Variants in RNF144B observed in about 807,000 individuals in gnomAD.
RNF144B encodes the protein E3 ubiquitin-protein ligase RNF144B.
In RNF144B, 25 loss-of-function variants were observed where a neutral mutation model predicts 40.2. The observed-to-expected ratio is 0.62, with a 90% CI of 0.45 to 0.87. RNF144B has a LOEUF of 0.87. Ranked by LOEUF, RNF144B falls within the 40% of genes least tolerant of loss-of-function variation. The pLI is 0.00. For synonymous variants in RNF144B, 145 were observed against 136.3 expected (o/e 1.06, Z -0.44); for missense variants, 365 against 373.7 (o/e 0.98, Z 0.19).
At chr6:18,396,254 A>G (rs1794692276) in intron 1 of RNF144B, 1 of 444,182 alleles carries the variant, frequency 2.3e-6, no homozygotes, top group African/African-American at 2.1e-5. Context: ...TCTAAGAAAT[A>G]TCTAATTATA....
Position 18,457,119 on chromosome 6 carries a change from G to T in RNF144B, c.332-36G>T. Reference sequence around the variant, plus strand: ...GGTGAGAAAGACTCAAACATGAATCGGGCAGACCATCACATTTTCTTTCTT... The same window carrying T: ...GGTGAGAAAGACTCAAACATGAATCTGGCAGACCATCACATTTTCTTTCTT... On this transcript the variant is annotated intron_variant, in intron 4 of 7. Transcript: ENST00000259939. The surrounding 1 kb of genome is among the most constrained non-coding windows in gnomAD (Gnocchi z 5.1). 1 of 1,457,920 alleles carries T rather than the reference G, an allele frequency of 6.9e-7. No individual in the cohort carries two copies. Among genetic ancestry groups the T allele is most frequent in the South Asian group, 1.1e-5 (1 of 87,952 alleles). The allele number at this position is 1,457,920 out of a possible 1,614,324, so 90.3% of individuals were successfully genotyped here.
intron 6 of RNF144B, 110 bp from the exon 7 acceptor site, chr6:18,463,181 G>A: frequency 1.5e-6 from 1 of 686,304 alleles, no homozygotes; most frequent in South Asian, 1.7e-5. Flanking sequence ...GGGGGTCACT[G>A]ATATCACCAG....
At chr6:18,409,560 C>A (rs79243008) in intron 2 of RNF144B, among the ~76,000 whole-genome samples, 5 of 61,206 alleles carry the variant, frequency 8.2e-5, no homozygotes, top group African/African-American at 2.6e-4. Flanking sequence ...ACTTGCATAA[C>A]CTTTTTTTTT....
chr6:18,399,923 G>C (rs549640102), intron 2 of RNF144B, among the ~76,000 whole-genome samples: 69 of 152,134 alleles, frequency 4.5e-4, no homozygotes, highest in Non-Finnish European at 9.1e-4. Flanking sequence ...TTTAATTATT[G>C]GTTGAATAAA....
In RNF144B at chr6:18,468,694, A is replaced by G. The variant is rs1759623565; in HGVS notation, c.*3627A>G. The G allele has an allele frequency of 6.6e-6, 1 of 152,222 alleles. No homozygotes were observed. The highest frequency in any genetic ancestry group is 2.1e-4 in the South Asian group (1 of 4,836). The allele number at this position is 152,222 out of a possible 1,614,324, so 9.4% of individuals were successfully genotyped here. A position where few individuals can be genotyped will look rare whatever the true frequency, so the allele number is the denominator to read the frequency against. On this transcript the variant is annotated 3_prime_UTR_variant, in exon 8 of 8. Coordinates refer to ENST00000259939, the MANE Select transcript of RNF144B (RefSeq NM_182757.4). ...GGCAATTTCAGAAATGCATTAGATG[A>G]ATGACATTTTATAAAGCGATCACAA...
rs1759543394 is a variant in RNF144B, at chr6:18,464,874, A to G, written c.772-53A>G. The G allele has an allele frequency of 3.8e-6, 6 of 1,565,372 alleles. No individual in the cohort carries two copies. Among genetic ancestry groups the G allele is most frequent in the East Asian group, 2.2e-5 (1 of 44,652 alleles). On this transcript the variant is annotated intron_variant, in intron 7 of 7. Transcript: ENST00000259939. This position sits in a 1 kb window ranked among gnomAD's most constrained non-coding sequence, Gnocchi z 6.1. ...AGATAACAGTATAGTTGGAATAAGT[A>G]TACATATTGAAAGACTTAATTGCTG...
intron 1 of RNF144B, among the ~76,000 whole-genome samples, chr6:18,393,202 T>A (rs1794622452): frequency 6.6e-6 from 1 of 152,230 alleles, no homozygotes; most frequent in Non-Finnish European, 1.5e-5. Flanking sequence ...GGGCAGCCTA[T>A]GTTTCCATTT....
chr6:18,396,900 G>A lies in RNF144B; in HGVS notation c.-36-2599G>A, dbSNP rs12527317. The A allele has an allele frequency of 3.0e-3, 2,249 of 750,776 alleles. 7 individuals carry two copies. The highest frequency in any genetic ancestry group is 3.4e-3 in the Non-Finnish European group (2,116 of 615,592). The allele number at this position is 750,776 out of a possible 1,614,324, so 46.5% of individuals were successfully genotyped here. ...AAAAACTCAAAATCCTGAATTTGAC[G>A]TGCAGGTCTATTTGAATTTAATTTG... is the stretch of plus-strand genomic sequence containing the variant. On this transcript the variant is annotated intron_variant, in intron 1 of 7. Coordinates refer to ENST00000259939, the MANE Select transcript of RNF144B (RefSeq NM_182757.4).
rs1229131141 is a variant in RNF144B, at chr6:18,450,510, G to C, written c.332-6645G>C. On this transcript the variant is annotated intron_variant, in intron 4 of 7. Coordinates refer to ENST00000259939, the MANE Select transcript of RNF144B (RefSeq NM_182757.4). The surrounding 1 kb of genome is among the most constrained non-coding windows in gnomAD (Gnocchi z 4.7). The stretch of plus-strand genomic sequence containing the variant: ...AAGGTGTTTTCACTATGTTGGCCAG[G>C]CTGGTCTCGAACTCCTGACCTCAGG... Among the ~76,000 whole-genome samples the C allele has an allele frequency of 1.3e-5, 2 of 152,098 alleles. No homozygotes were observed. The highest frequency in any genetic ancestry group is 4.8e-5 in the African/African-American group (2 of 41,422).
At chr6:18,435,814 T>C (rs1226479401) in intron 3 of RNF144B, among the ~76,000 whole-genome samples, 1 of 144,256 alleles carries the variant, frequency 6.9e-6, no homozygotes. Flanking sequence ...TAGGTGGGAA[T>C]TGAACAATGA....
chr6:18,448,502 A>C lies in RNF144B; in HGVS notation c.332-8653A>C, dbSNP rs1759135006. Among the ~76,000 whole-genome samples the C allele has an allele frequency of 6.6e-6, 1 of 152,104 alleles. No individual in the cohort carries two copies. Among genetic ancestry groups the C allele is most frequent in the Admixed American group, 6.6e-5 (1 of 15,258 alleles). On this transcript the variant is annotated intron_variant, in intron 4 of 7. Coordinates refer to ENST00000259939, the MANE Select transcript of RNF144B (RefSeq NM_182757.4). This position sits in a 1 kb window ranked among gnomAD's most constrained non-coding sequence, Gnocchi z 4.0. ...TGAAGCAAAAGGAGGAGCTTTATGT[A>C]ATATGAAAGTATAGCGAACCTAGCA...
chr6:18,441,993 C>G lies in RNF144B; in HGVS notation c.331+2249C>G, dbSNP rs184726493. Reference sequence around the variant, plus strand: ...TTCCCAAAGAGGTAATCATACCGTTCTTCAGGAAATATCATCATACTGAAG... The same window carrying G: ...TTCCCAAAGAGGTAATCATACCGTTGTTCAGGAAATATCATCATACTGAAG... On this transcript the variant is annotated intron_variant, in intron 4 of 7. Transcript: ENST00000259939. The surrounding 1 kb of genome is among the most constrained non-coding windows in gnomAD (Gnocchi z 4.9). 6.6e-6 allele frequency among the ~76,000 whole-genome samples: 1 copy of G among 152,132 alleles called. No individual in the cohort carries two copies. The highest frequency in any genetic ancestry group is 1.9e-4 in the East Asian group (1 of 5,192).
chr6:18,399,389 G>A lies in RNF144B; in HGVS notation c.-36-110G>A, dbSNP rs1440788425. On this transcript the variant is annotated intron_variant, in intron 1 of 7. Coordinates refer to ENST00000259939, the MANE Select transcript of RNF144B (RefSeq NM_182757.4). ...GTTCCCAGAAATGCATTAGCTGTAA[G>A]TTTTGGGATAACTGAGGGTGAGAAT... 21 of 761,224 alleles carry A rather than the reference G, an allele frequency of 2.8e-5. No homozygotes were observed. The East Asian group carries it at 5.8e-4, about 21-fold the overall frequency. 47.2% of individuals were successfully genotyped at this position (761,224 alleles called of 1,614,324 possible).
At chr6:18,415,055 C>T (rs982608838) in intron 2 of RNF144B, among the ~76,000 whole-genome samples, 37 of 152,066 alleles carry the variant, frequency 2.4e-4, no homozygotes, top group Non-Finnish European at 7.4e-5. Context: ...TACTTTAAAT[C>T]ATCTTTAGGT....
Position 18,466,499 on chromosome 6 carries a change from C to T in RNF144B, c.*1432C>T, listed in dbSNP as rs1440189930. 1.3e-5 allele frequency: 2 copies of T among 152,472 alleles called. No homozygotes were observed. The highest frequency in any genetic ancestry group is 4.8e-5 in the African/African-American group (2 of 41,398). 9.4% of individuals were successfully genotyped at this position (152,472 alleles called of 1,614,324 possible). A position where few individuals can be genotyped will look rare whatever the true frequency, so the allele number is the denominator to read the frequency against. ...TTGTGACTTATTTTTTCCATTATACCATTAGTCAGATTTGAATAACGAGGT... is the reference window on the plus strand; with the variant it reads ...TTGTGACTTATTTTTTCCATTATACTATTAGTCAGATTTGAATAACGAGGT... On this transcript the variant is annotated 3_prime_UTR_variant, in exon 8 of 8. Transcript: ENST00000259939.
intron 1 of RNF144B, among the ~76,000 whole-genome samples, chr6:18,394,571 G>GT (rs1794654393): frequency 6.6e-6 from 1 of 151,052 alleles, no homozygotes; most frequent in Admixed American, 6.6e-5. Flanking sequence ...GCACTCTAGC[G>GT]TGGATGACAG....
At chr6:18,387,668 C>T (rs186874195) in intron 1 of RNF144B, 38 bp downstream of exon 1, 1 of 1,285,062 alleles carries the variant, frequency 7.8e-7, no homozygotes, top group East Asian at 5.6e-5. Context: ...ACAGGCGTTG[C>T]AAGACCGGAA....
chr6:18,399,366 T>A (rs1794753033), intron 1 of RNF144B, 133 bp from the exon 2 acceptor site: 1 of 643,022 alleles, frequency 1.6e-6, no homozygotes, highest in African/African-American at 1.8e-5. Context: ...AGCCCGTCGT[T>A]CCCAGAAATG....
chr6:18,419,840 T>C lies in RNF144B; in HGVS notation c.166-7741T>C, dbSNP rs528969873. On this transcript the variant is annotated intron_variant, in intron 2 of 7. Coordinates refer to ENST00000259939, the MANE Select transcript of RNF144B (RefSeq NM_182757.4). This position sits in a 1 kb window ranked among gnomAD's most constrained non-coding sequence, Gnocchi z 4.6. ...AGGGCTGTTCTATGCTGTTTTATTA[T>C]GACTTTTCTTTGATTTCTTTGATTA... 2.2e-3 allele frequency among the ~76,000 whole-genome samples: 336 copies of C among 152,346 alleles called. 4 individuals carry two copies. The highest frequency in any genetic ancestry group is 7.5e-3 in the African/African-American group (311 of 41,578).
Sources: allele counts gnomAD v4.1 joint callset (sites outside exome capture counted in the v4.1 genomes callset), GRCh38; gene constraint gnomAD v4.1.1; non-coding constraint Gnocchi (gnomAD v3.1); transcripts MANE v1.5; gene names NCBI Gene and HGNC (gene_info 2026-07-23, HGNC 2026-07-21).